Variants in ATXN8OS observed in about 807,000 individuals in gnomAD.
ATXN8OS encodes the protein ATXN8 opposite strand lncRNA.
intron 3 of ATXN8OS, chr13:70,131,622 G>A (rs9572380): frequency 0.11 from 41,964 of 396,588 alleles, 2,291 homozygotes; most frequent in East Asian, 0.14. Context: ...TCTCCTCCGT[G>A]TTTAGAGCTC....
At chr13:70,128,294 C>A (rs1346269682) in intron 2 of ATXN8OS, among the ~76,000 whole-genome samples, 1 of 152,002 alleles carries the variant, frequency 6.6e-6, no homozygotes, top group African/African-American at 2.4e-5. Context: ...GTCCACTTTA[C>A]CAAGATTCTT....
intron 4 of ATXN8OS, among the ~76,000 whole-genome samples, chr13:70,148,142 T>A (rs1027569199): frequency 6.6e-6 from 1 of 152,098 alleles, no homozygotes; most frequent in African/African-American, 2.4e-5. Context: ...AGGGTGAATG[T>A]CTCTTATCTG....
chr13:70,167,582 G>A lies in ATXN8OS; in HGVS notation n.574-2171G>A, dbSNP rs578169601. Among the ~76,000 whole-genome samples, 3 of 151,930 alleles carry A rather than the reference G, an allele frequency of 2.0e-5. No homozygotes were observed. The South Asian group carries it at 6.2e-4, about 32-fold the overall frequency. ...GCTAAATGAAGAGTTAATGGGTGCA[G>A]CACACCAACAATGCACATGCATACG... On this transcript the variant is annotated intron_variant and non_coding_transcript_variant, in intron 4 of 4. Transcript: ENST00000678624.
At chr13:70,147,891 C>A (rs146960499) in intron 4 of ATXN8OS, among the ~76,000 whole-genome samples, 46 of 152,190 alleles carry the variant, frequency 3.0e-4, no homozygotes, top group Non-Finnish European at 6.0e-4. Context: ...AAATTACAGG[C>A]AAAACATAAT....
intron 2 of ATXN8OS, among the ~76,000 whole-genome samples, chr13:70,118,717 A>G (rs1888317177): frequency 6.6e-6 from 1 of 152,074 alleles, no homozygotes; most frequent in Admixed American, 6.6e-5. Flanking sequence ...TAGACTTAAA[A>G]TTTCCTCTGA....
chr13:70,144,170 C>T (rs1325362113), intron 3 of ATXN8OS, among the ~76,000 whole-genome samples: 2 of 151,934 alleles, frequency 1.3e-5, no homozygotes, highest in Non-Finnish European at 2.9e-5. Flanking sequence ...GTCTGTGTGG[C>T]TTTCACATTC....
At chr13:70,126,222 C>T (rs1410209587) in intron 2 of ATXN8OS, among the ~76,000 whole-genome samples, 1 of 152,036 alleles carries the variant, frequency 6.6e-6, no homozygotes, top group African/African-American at 2.4e-5. Flanking sequence ...TATTTCCTGT[C>T]CATGATACAC....
chr13:70,139,389 GCTGCT>G (rs1888670960), intron 3 of ATXN8OS: 24 of 334,262 alleles, frequency 7.2e-5, no homozygotes, highest in Middle Eastern at 8.4e-4. Flanking sequence ...TACTACTGCT[GCTGCT>G]GCTGCTGCTG....
At chr13:70,159,122 G>T (rs973201383) in intron 4 of ATXN8OS, among the ~76,000 whole-genome samples, 1 of 149,288 alleles carries the variant, frequency 6.7e-6, no homozygotes, top group African/African-American at 2.5e-5. Flanking sequence ...ACGTATTTTA[G>T]ATCTCCTTAC....
At chr13:70,142,714 A>AT (rs56868109) in intron 3 of ATXN8OS, among the ~76,000 whole-genome samples, 9 of 151,490 alleles carry the variant, frequency 5.9e-5, no homozygotes, top group African/African-American at 1.2e-4. Context: ...CCAACTTTTG[A>AT]TTTTTTTTTT....
chr13:70,122,606 T>A (rs1276695099), intron 2 of ATXN8OS, among the ~76,000 whole-genome samples: 2 of 152,060 alleles, frequency 1.3e-5, no homozygotes, highest in African/African-American at 4.8e-5. Context: ...ATGACATTTC[T>A]TCTAATGTTT....
intron 4 of ATXN8OS, among the ~76,000 whole-genome samples, chr13:70,148,521 T>C (rs1379709632): frequency 6.6e-6 from 1 of 152,108 alleles, no homozygotes; most frequent in Non-Finnish European, 1.5e-5. Flanking sequence ...TCAGGTTTCT[T>C]AAGAATCTCC....
exon 5 of ATXN8OS, among the ~76,000 whole-genome samples, chr13:70,171,345 A>T (rs935843873): frequency 1.3e-5 from 2 of 152,124 alleles, no homozygotes; most frequent in African/African-American, 4.8e-5. Flanking sequence ...TAAGGAAGAA[A>T]CTTTAGGCTA....
intron 4 of ATXN8OS, among the ~76,000 whole-genome samples, chr13:70,169,596 A>T (rs1889120587): frequency 6.6e-6 from 1 of 152,028 alleles, no homozygotes; most frequent in African/African-American, 2.4e-5. Context: ...CCCAGCCAGA[A>T]AACATTTAAT....
intron 3 of ATXN8OS, among the ~76,000 whole-genome samples, chr13:70,145,036 A>G (rs1482586966): frequency 1.3e-5 from 2 of 152,106 alleles, no homozygotes; most frequent in African/African-American, 2.4e-5. Context: ...TATAAGGTGT[A>G]AGGAAGGGAT....
At chr13:70,126,998 G>A (rs776375899) in intron 2 of ATXN8OS, among the ~76,000 whole-genome samples, 12 of 151,132 alleles carry the variant, frequency 7.9e-5, no homozygotes, top group Admixed American at 2.0e-4. Flanking sequence ...AATATGTTTT[G>A]GATTTATATA....
At chr13:70,156,157 C>T (rs1420385065) in intron 4 of ATXN8OS, among the ~76,000 whole-genome samples, 1 of 151,924 alleles carries the variant, frequency 6.6e-6, no homozygotes, top group Non-Finnish European at 1.5e-5. Flanking sequence ...TTTTTTTCAG[C>T]ATCTATAACT....
At chr13:70,107,600 C>A (rs41283978), upstream of ATXN8OS, 158 of 1,593,512 alleles carry the variant, frequency 9.9e-5, no homozygotes, top group East Asian at 4.0e-4. Context: ...CAGCCTCCCC[C>A]CGCCGGGCCG....
At chr13:70,155,725 TG>T (rs1235453110) in intron 4 of ATXN8OS, among the ~76,000 whole-genome samples, 2 of 151,604 alleles carry the variant, frequency 1.3e-5, no homozygotes, top group African/African-American at 4.9e-5. Context: ...TTCTCATAGG[TG>T]GGTCACCTCT....
Sources: allele counts gnomAD v4.1 joint callset (sites outside exome capture counted in the v4.1 genomes callset), GRCh38; gene constraint gnomAD v4.1.1; transcripts MANE v1.5; gene names NCBI Gene and HGNC (gene_info 2026-07-23, HGNC 2026-07-21).